Variants in PAXIP1 observed in about 807,000 individuals in gnomAD.
PAXIP1 encodes PAX interacting protein 1.
PAXIP1 carries 19 observed loss-of-function variants against 140.6 expected under a neutral mutation model. The ratio of observed to expected loss-of-function variants is 0.14; its 90% confidence interval spans 0.09 to 0.20. The LOEUF (loss-of-function observed/expected upper bound fraction) is 0.20. Ranked by LOEUF, PAXIP1 falls within the 10% of genes least tolerant of loss-of-function variation. PAXIP1 has a pLI of 1.00. For synonymous variants in PAXIP1, 442 were observed against 444.6 expected, an observed-to-expected ratio of 0.99 and a Z score of 0.07; for missense variants, 920 against 1,208.6, an observed-to-expected ratio of 0.76 and a Z score of 3.54.
At chr7:154,959,437 G>A (rs1269773098) in intron 13 of PAXIP1, among the ~76,000 whole-genome samples, 4 of 152,178 alleles carry the variant, frequency 2.6e-5, no homozygotes, top group Admixed American at 1.3e-4. Context: ...CTTAGTAAAC[G>A]TGAATGTGGG....
chr7:155,002,983 G>A lies in PAXIP1; in HGVS notation c.-54C>T. On this transcript the variant is annotated 5_prime_UTR_variant, in exon 1 of 21. Coordinates refer to ENST00000404141, the MANE Select transcript of PAXIP1 (RefSeq NM_007349.4). The stretch of plus-strand genomic sequence containing the variant: ...CGGCGCCCGGCCCCGCCCACCCCCC[G>A]CCCCCGGCCCCCGCGGCGCCCGGCG... 8.0e-6 allele frequency: 5 copies of A among 626,222 alleles called. No homozygotes were observed. The highest frequency in any genetic ancestry group is 8.9e-6 in the Non-Finnish European group (5 of 564,706). 38.8% of individuals were successfully genotyped at this position (626,222 alleles called of 1,614,324 possible).
chr7:155,003,028 C>T lies in PAXIP1; in HGVS notation c.-99G>A, dbSNP rs1164157623. On this transcript the variant is annotated 5_prime_UTR_variant, in exon 1 of 21. Coordinates refer to ENST00000404141, the MANE Select transcript of PAXIP1 (RefSeq NM_007349.4). ...CCGGCGCCCCCACTCGCCCCGCCAACGGCCCTGCCCGCGCAGCCCGGGCCC... is the reference window on the plus strand; with the variant it reads ...CCGGCGCCCCCACTCGCCCCGCCAATGGCCCTGCCCGCGCAGCCCGGGCCC... 2 of 342,324 alleles carry T rather than the reference C, an allele frequency of 5.8e-6. No homozygotes were observed. The highest frequency in any genetic ancestry group is 8.1e-6 in the Non-Finnish European group (2 of 246,512). 21.2% of individuals were successfully genotyped at this position (342,324 alleles called of 1,614,324 possible). A position where few individuals can be genotyped will look rare whatever the true frequency, so the allele number is the denominator to read the frequency against.
intron 4 of PAXIP1, among the ~76,000 whole-genome samples, chr7:154,988,501 G>C (rs935029043): frequency 2.6e-5 from 4 of 151,896 alleles, no homozygotes; most frequent in African/African-American, 9.7e-5. Context: ...TTAGTTCTTT[G>C]GAAGACTAAT....
In PAXIP1 at chr7:154,983,394, T is replaced by TC. The variant is rs1348847543; in HGVS notation, c.325-63dup. On this transcript the variant is annotated intron_variant, in intron 4 of 20. Coordinates refer to ENST00000404141, the MANE Select transcript of PAXIP1 (RefSeq NM_007349.4). ...TTTCAATCTGTGCATGGCTATATTTTCACTTTAGTAATATACTGCAACAAT... is the reference window on the plus strand; with the variant it reads ...TTTCAATCTGTGCATGGCTATATTTTCCACTTTAGTAATATACTGCAACAAT... The TC allele has an allele frequency of 6.5e-6, 5 of 766,388 alleles. No individual in the cohort carries two copies. The African/African-American group carries it at 8.7e-5, about 13-fold the overall frequency. The allele number at this position is 766,388 out of a possible 1,614,324, so 47.5% of individuals were successfully genotyped here. A position where few individuals can be genotyped will look rare whatever the true frequency, so the allele number is the denominator to read the frequency against.
In PAXIP1 at chr7:154,956,290, A is replaced by G. The variant is rs1339928139; in HGVS notation, c.2550-659T>C. 2.0e-5 allele frequency: 3 copies of G among 152,232 alleles called. No homozygotes were observed. Among genetic ancestry groups the G allele is most frequent in the African/African-American group, 7.2e-5 (3 of 41,468 alleles). The allele number at this position is 152,232 out of a possible 1,614,324, so 9.4% of individuals were successfully genotyped here. ...AATGTATTTGTGGTAATTTGATGAC[A>G]GCCTCAAAAAAATCACATAATTAGG... On this transcript the variant is annotated intron_variant, in intron 14 of 20. Transcript: ENST00000404141. The surrounding 1 kb of genome is among the most constrained non-coding windows in gnomAD (Gnocchi z 4.2).
rs993891058 is a variant in PAXIP1, at chr7:154,957,203, A to G, written c.2549+21T>C. 4.1e-6 allele frequency: 6 copies of G among 1,476,184 alleles called. No individual in the cohort carries two copies. The African/African-American group carries it at 8.4e-5, about 21-fold the overall frequency. 91.4% of individuals were successfully genotyped at this position (1,476,184 alleles called of 1,614,324 possible). A position where few individuals can be genotyped will look rare whatever the true frequency, so the allele number is the denominator to read the frequency against. On this transcript the variant is annotated intron_variant, in intron 14 of 20. Transcript: ENST00000404141. ...GACCTGTGAAAGCCAGCAATGAAAA[A>G]TTTAAGGTTATTACTCATACCTGGC...
At chr7:154,947,792 G>A (rs1304185249) in intron 17 of PAXIP1, 111 bp downstream of exon 17, 2 of 788,982 alleles carry the variant, frequency 2.5e-6, no homozygotes, top group East Asian at 2.4e-5. Context: ...GATGCAGGGT[G>A]AGCCCAGCTC....
At position 154,963,442 on chromosome 7, in the gene PAXIP1, T is replaced by A. The variant is rs577432667; in HGVS notation, c.1989+229A>T. The stretch of plus-strand genomic sequence containing the variant: ...GTCCACCTCGGCCTCCTGTCCGCCC[T>A]TTCTTAACACCACCTGGGAACATCC... On this transcript the variant is annotated intron_variant, in intron 9 of 20. Coordinates refer to ENST00000404141, the MANE Select transcript of PAXIP1 (RefSeq NM_007349.4). The surrounding 1 kb of genome is among the most constrained non-coding windows in gnomAD (Gnocchi z 4.1). Among the ~76,000 whole-genome samples the A allele has an allele frequency of 8.5e-5, 13 of 152,300 alleles. No homozygotes were observed. The East Asian group carries it at 2.1e-3, about 25-fold the overall frequency.
intron 20 of PAXIP1, chr7:154,945,480 C>T (rs1807917433): frequency 9.2e-6 from 9 of 981,052 alleles, no homozygotes; most frequent in Admixed American, 6.2e-5. Context: ...AAAAAAAACT[C>T]GGCAAGGATG....
chr7:154,962,605 G>A (rs574715523), intron 9 of PAXIP1, 147 bp from the exon 10 acceptor site: 37 of 612,352 alleles, frequency 6.0e-5, no homozygotes, highest in Non-Finnish European at 7.9e-5. Flanking sequence ...TTAAAGTAAC[G>A]AATTAAAACC....
chr7:154,997,028 AG>A (rs1379500065), intron 2 of PAXIP1, among the ~76,000 whole-genome samples: 9 of 152,158 alleles, frequency 5.9e-5, no homozygotes, highest in Non-Finnish European at 5.9e-5. Context: ...GTTTGTAGGA[AG>A]GAGAAGGAAG....
rs1228983447 is a variant in PAXIP1, at chr7:154,946,003, T to C, written c.3194+362A>G. On this transcript the variant is annotated intron_variant, in intron 20 of 20. Coordinates refer to ENST00000404141, the MANE Select transcript of PAXIP1 (RefSeq NM_007349.4). This position sits in a 1 kb window ranked among gnomAD's most constrained non-coding sequence, Gnocchi z 4.9. ...GTACAAAGACTATATACGAACTAAA[T>C]TTCATTTGGAAAACTACAAACTCAA... 5 of 984,974 alleles carry C rather than the reference T, an allele frequency of 5.1e-6. No individual in the cohort carries two copies. In the African/African-American group the frequency reaches 8.7e-5, roughly 17 times the overall value. The allele number at this position is 984,974 out of a possible 1,614,324, so 61.0% of individuals were successfully genotyped here.
At chr7:154,999,589 G>C (rs1454009577) in intron 1 of PAXIP1, among the ~76,000 whole-genome samples, 1 of 152,196 alleles carries the variant, frequency 6.6e-6, no homozygotes, top group Non-Finnish European at 1.5e-5. Context: ...GGCAAGCCTT[G>C]GTGTCTGGAA....
At chr7:154,967,993 T>C (rs1809098735) in intron 7 of PAXIP1, 83 bp from the exon 8 acceptor site, 2 of 807,388 alleles carry the variant, frequency 2.5e-6, no homozygotes, top group East Asian at 2.6e-5. Flanking sequence ...CGCCTCACAA[T>C]GTCAATCTGT....
intron 6 of PAXIP1, among the ~76,000 whole-genome samples, chr7:154,969,354 C>T (rs1290943937): frequency 1.3e-5 from 2 of 152,208 alleles, no homozygotes; most frequent in African/African-American, 4.8e-5. Context: ...AAATTTGAAA[C>T]TACATCAGTA....
intron 5 of PAXIP1, among the ~76,000 whole-genome samples, chr7:154,979,905 G>C (rs1248562397): frequency 6.6e-6 from 1 of 152,138 alleles, no homozygotes; most frequent in Admixed American, 6.5e-5. Context: ...ACAGACATGA[G>C]CATGAAGTCC....
intron 2 of PAXIP1, among the ~76,000 whole-genome samples, chr7:154,995,328 C>A (rs141273103): frequency 6.6e-6 from 1 of 152,304 alleles, no homozygotes; most frequent in African/African-American, 2.4e-5. Flanking sequence ...ACAGCATACA[C>A]GCTGAATATC....
At position 155,003,038 on chromosome 7, in the gene PAXIP1, C is replaced by T; in HGVS notation, c.-109G>A. 2 of 296,320 alleles carry T rather than the reference C, an allele frequency of 6.7e-6. No homozygotes were observed. Among genetic ancestry groups the T allele is most frequent in the Non-Finnish European group, 9.8e-6 (2 of 203,218 alleles). The allele number at this position is 296,320 out of a possible 1,614,324, so 18.4% of individuals were successfully genotyped here. A position where few individuals can be genotyped will look rare whatever the true frequency, so the allele number is the denominator to read the frequency against. ...CACTCGCCCCGCCAACGGCCCTGCC[C>T]GCGCAGCCCGGGCCCGGTCCTGCGA... On this transcript the variant is annotated 5_prime_UTR_variant, in exon 1 of 21. Coordinates refer to ENST00000404141, the MANE Select transcript of PAXIP1 (RefSeq NM_007349.4).
chr7:154,971,921 G>C (rs973792313), intron 6 of PAXIP1, among the ~76,000 whole-genome samples: 1 of 152,142 alleles, frequency 6.6e-6, no homozygotes, highest in Non-Finnish European at 1.5e-5. Context: ...TTGCATTGCT[G>C]AAAGTCTCTC....
Sources: gnomAD v4.1 joint callset for allele counts (sites outside exome capture counted in the v4.1 genomes callset) on GRCh38, gnomAD v4.1.1 for gene constraint, Gnocchi (gnomAD v3.1) non-coding constraint, MANE v1.5 for transcripts, NCBI Gene and HGNC (gene_info 2026-07-23, HGNC 2026-07-21) for gene names.